The following LINGO2 variants were observed in gnomAD, a reference collection of about 807,000 sequenced individuals.
The protein encoded by LINGO2 is leucine rich repeat and Ig domain containing 2, also known as leucine-rich repeat and immunoglobulin-like domain-containing nogo receptor-interacting protein 2.
Under a neutral mutation model 30.6 loss-of-function variants are expected in LINGO2, and 14 were observed. The observed-to-expected ratio is 0.46, with a 90% CI of 0.30 to 0.72. LINGO2 has a LOEUF of 0.72. LINGO2 is among the 30% of genes least tolerant of loss of function. The pLI is 0.07. For missense variants in LINGO2, 729 were observed against 751.7 expected (o/e 0.97, Z 0.35); for synonymous variants, 317 against 288.5 (o/e 1.10, Z -1.00).
the LINGO2 span, among the ~76,000 whole-genome samples, chr9:28,985,113 G>A: frequency 6.6e-6 from 1 of 152,082 alleles, no homozygotes; most frequent in Non-Finnish European, 1.5e-5. Flanking sequence ...GTGAAAACAT[G>A]CAGTATTTGT....
intron 4 of LINGO2, among the ~76,000 whole-genome samples, chr9:28,207,982 T>C (rs1820466694): frequency 6.6e-6 from 1 of 152,078 alleles, no homozygotes; most frequent in African/African-American, 2.4e-5. Context: ...CAAAGTCTGC[T>C]TTTTGGCTTA....
At chr9:27,972,494 A>C (rs1820404107) in intron 5 of LINGO2, among the ~76,000 whole-genome samples, 1 of 152,200 alleles carries the variant, frequency 6.6e-6, no homozygotes, top group African/African-American at 2.4e-5. Flanking sequence ...TCAGTCCGTC[A>C]TGAACAAGTC....
the LINGO2 span, among the ~76,000 whole-genome samples, chr9:28,775,310 G>C: frequency 9.9e-5 from 15 of 152,096 alleles, no homozygotes; most frequent in Non-Finnish European, 1.8e-4. Flanking sequence ...GCACATCATT[G>C]GTTCACTCCC....
At chr9:28,512,593 G>GTATATATATA (rs770866133) in intron 1 of LINGO2, among the ~76,000 whole-genome samples, 3 of 10,590 alleles carry the variant, frequency 2.8e-4, no homozygotes, top group African/African-American at 4.7e-4. Flanking sequence ...ATATATGTGT[G>GTATATATATA]TATATATATA....
intron 3 of LINGO2, among the ~76,000 whole-genome samples, chr9:28,351,160 T>C (rs1313040271): frequency 6.7e-6 from 1 of 149,760 alleles, no homozygotes; most frequent in Non-Finnish European, 1.5e-5. Context: ...AGAGCAGAAC[T>C]GAAGGAAAAA....
At chr9:27,999,897 C>T (rs1469806131) in intron 5 of LINGO2, among the ~76,000 whole-genome samples, 1 of 152,084 alleles carries the variant, frequency 6.6e-6, no homozygotes, top group African/African-American at 2.4e-5. Context: ...TTGCACCAAC[C>T]TAATAAAAGG....
At chr9:28,228,804 A>G (rs958515976) in intron 4 of LINGO2, among the ~76,000 whole-genome samples, 1 of 151,650 alleles carries the variant, frequency 6.6e-6, no homozygotes, top group Non-Finnish European at 1.5e-5. Context: ...AATATTTTGG[A>G]ATTATTTTTT....
chr9:28,839,131 G>A, the LINGO2 span, among the ~76,000 whole-genome samples: 8 of 152,310 alleles, frequency 5.3e-5, no homozygotes, highest in South Asian at 6.2e-4. Context: ...TCCCCAAGGG[G>A]CTGCAGCTCT....
chr9:28,781,233 C>T, the LINGO2 span, among the ~76,000 whole-genome samples: 39,557 of 151,816 alleles, frequency 0.26, 5,368 homozygotes, highest in African/African-American at 0.33. Context: ...GCTGGAAAGG[C>T]GTGAACTGAC....
chr9:29,129,422 T>G, the LINGO2 span, among the ~76,000 whole-genome samples: 2 of 152,140 alleles, frequency 1.3e-5, no homozygotes, highest in East Asian at 3.9e-4. Context: ...TTGATGCTCA[T>G]TGGCTATCTA....
At chr9:28,310,631 G>A (rs577111050) in intron 3 of LINGO2, among the ~76,000 whole-genome samples, 9 of 152,238 alleles carry the variant, frequency 5.9e-5, no homozygotes, top group South Asian at 2.1e-4. Context: ...TGATGGATAC[G>A]TTCATTATTT....
At chr9:28,954,637 T>C in the LINGO2 span, among the ~76,000 whole-genome samples, 4 of 152,172 alleles carry the variant, frequency 2.6e-5, no homozygotes, top group Non-Finnish European at 4.4e-5. Context: ...AAGACACAAA[T>C]AATACCTTAG....
At chr9:28,640,227 G>A (rs530182877) in intron 1 of LINGO2, among the ~76,000 whole-genome samples, 9 of 152,134 alleles carry the variant, frequency 5.9e-5, no homozygotes, top group East Asian at 3.9e-4. Context: ...TGGGTAACCC[G>A]ACCTTTCTCT....
At chr9:28,230,419 G>C (rs1821317017) in intron 4 of LINGO2, among the ~76,000 whole-genome samples, 1 of 151,740 alleles carries the variant, frequency 6.6e-6, no homozygotes, top group Non-Finnish European at 1.5e-5. Context: ...GTTTGTTTTT[G>C]AGGTCTAATA....
intron 3 of LINGO2, among the ~76,000 whole-genome samples, chr9:28,296,519 A>T (rs1250223957): frequency 6.6e-6 from 1 of 152,146 alleles, no homozygotes; most frequent in Admixed American, 6.5e-5. Context: ...ATAAATCCTC[A>T]TGCACCTGTG....
In LINGO2 at chr9:28,511,563, C is replaced by T. The variant is rs544958581; in HGVS notation, c.-364-35538G>A. ...TGTCCACAGAACAGGTCATCCTATC[C>T]AGTTGATTATTAAAATCCTCCTCTA... is the stretch of plus-strand genomic sequence containing the variant. On this transcript the variant is annotated intron_variant, in intron 1 of 5. Transcript: ENST00000379992. 2.6e-5 allele frequency among the ~76,000 whole-genome samples: 4 copies of T among 152,304 alleles called. No individual in the cohort carries two copies. In the South Asian group the frequency reaches 8.3e-4, roughly 32 times the overall value.
intron 4 of LINGO2, among the ~76,000 whole-genome samples, chr9:28,166,419 T>C (rs1187772545): frequency 6.6e-6 from 1 of 152,198 alleles, no homozygotes; most frequent in Non-Finnish European, 1.5e-5. Flanking sequence ...TTAAATGAGA[T>C]AATGTGCACA....
intron 1 of LINGO2, among the ~76,000 whole-genome samples, chr9:28,477,723 T>G (rs1286630950): frequency 6.6e-6 from 1 of 152,196 alleles, no homozygotes; most frequent in Admixed American, 6.5e-5. Flanking sequence ...TTCTCACTGA[T>G]CCCACGCTTG....
the LINGO2 span, among the ~76,000 whole-genome samples, chr9:28,727,132 T>A: frequency 4.9e-4 from 74 of 152,146 alleles, no homozygotes; most frequent in Non-Finnish European, 9.4e-4. Flanking sequence ...AAAATACACT[T>A]AATTCTAAAA....
Sources: allele counts gnomAD v4.1 joint callset (sites outside exome capture counted in the v4.1 genomes callset), GRCh38; gene constraint gnomAD v4.1.1; transcripts MANE v1.5; gene names NCBI Gene and HGNC (gene_info 2026-07-23, HGNC 2026-07-21).